VEGFC: variants seen among roughly 807,000 people sequenced by gnomAD.
The protein encoded by VEGFC is FLT4 ligand DHM.
VEGFC carries 12 observed loss-of-function variants against 46.1 expected under a neutral mutation model. The observed-to-expected ratio is 0.26, with a 90% CI of 0.17 to 0.42. The LOEUF (loss-of-function observed/expected upper bound fraction) is 0.42. VEGFC is among the 10% of genes least tolerant of loss of function. The probability of loss-of-function intolerance (pLI) is 1.00; values close to 1 mark genes in which losing one functional copy is unlikely to be tolerated. For synonymous variants in VEGFC, 232 were observed against 195.5 expected, an observed-to-expected ratio of 1.19 and a Z score of -1.56; for missense variants, 488 against 529.4, an observed-to-expected ratio of 0.92 and a Z score of 0.77.
At chr4:176,777,328 CA>C (rs904458015) in intron 1 of VEGFC, among the ~76,000 whole-genome samples, 5 of 152,060 alleles carry the variant, frequency 3.3e-5, no homozygotes, top group Non-Finnish European at 7.4e-5. Flanking sequence ...AACAAACAAA[CA>C]AAAAACTACT....
At chr4:176,765,596 C>T (rs534142079) in intron 1 of VEGFC, among the ~76,000 whole-genome samples, 1 of 148,200 alleles carries the variant, frequency 6.7e-6, no homozygotes, top group African/African-American at 2.5e-5. Flanking sequence ...CGCTCTGTCG[C>T]CCAGGCTGGA....
intron 6 of VEGFC, among the ~76,000 whole-genome samples, chr4:176,685,140 AT>A (rs1413121711): frequency 6.6e-6 from 1 of 152,226 alleles, no homozygotes; most frequent in Non-Finnish European, 1.5e-5. Flanking sequence ...AAAGTGTGCT[AT>A]AAAAAACCCT....
At chr4:176,689,404 C>G (rs938382525) in intron 4 of VEGFC, 3 of 152,134 alleles carry the variant, frequency 2.0e-5, no homozygotes, top group Admixed American at 6.6e-5. Context: ...ATTTTGCAAC[C>G]AAAATGCAGC....
chr4:176,735,130 C>T (rs190241299), intron 1 of VEGFC, among the ~76,000 whole-genome samples: 2 of 151,862 alleles, frequency 1.3e-5, no homozygotes, highest in Admixed American at 1.3e-4. Context: ...CTCCTTCCTA[C>T]ATCACTTTCT....
intron 4 of VEGFC, among the ~76,000 whole-genome samples, chr4:176,694,443 A>G (rs1337755751): frequency 1.3e-5 from 2 of 152,022 alleles, no homozygotes; most frequent in Non-Finnish European, 2.9e-5. Flanking sequence ...TCCTAAATAT[A>G]TATGCACCCA....
chr4:176,691,182 T>C (rs1734172365), intron 4 of VEGFC, among the ~76,000 whole-genome samples: 1 of 152,172 alleles, frequency 6.6e-6, no homozygotes, highest in African/African-American at 2.4e-5. Context: ...GGAAATGTGG[T>C]CATGATGGAT....
intron 6 of VEGFC, among the ~76,000 whole-genome samples, chr4:176,685,105 G>A (rs1734015864): frequency 6.6e-6 from 1 of 152,220 alleles, no homozygotes; most frequent in Non-Finnish European, 1.5e-5. Context: ...AGGGAAAAGT[G>A]CAAGATGACC....
At chr4:176,763,474 A>G (rs1450314670) in intron 1 of VEGFC, among the ~76,000 whole-genome samples, 1 of 152,198 alleles carries the variant, frequency 6.6e-6, no homozygotes, top group Non-Finnish European at 1.5e-5. Context: ...TAAATTTCAA[A>G]AGCAAAAACT....
chr4:176,712,944 T>C (rs1477522801), intron 3 of VEGFC, among the ~76,000 whole-genome samples: 1 of 152,216 alleles, frequency 6.6e-6, no homozygotes, highest in Non-Finnish European at 1.5e-5. Context: ...GTGGCTTTTA[T>C]TAGCTCTCCC....
intron 1 of VEGFC, among the ~76,000 whole-genome samples, chr4:176,755,870 A>T (rs1251813874): frequency 6.6e-6 from 1 of 152,040 alleles, no homozygotes; most frequent in East Asian, 1.9e-4. Flanking sequence ...AGGTTAAGTA[A>T]TGCATTATTT....
At chr4:176,734,670 C>A (rs2111023700) in intron 1 of VEGFC, among the ~76,000 whole-genome samples, 1 of 151,720 alleles carries the variant, frequency 6.6e-6, no homozygotes, top group East Asian at 1.9e-4. Flanking sequence ...CTAAAAATAG[C>A]AAAAACTAAG....
chr4:176,737,075 GATA>G (rs1735068445), intron 1 of VEGFC, among the ~76,000 whole-genome samples: 2 of 150,396 alleles, frequency 1.3e-5, no homozygotes, highest in South Asian at 4.2e-4. Flanking sequence ...AAACCTGACT[GATA>G]ATATTAATGA....
intron 4 of VEGFC, among the ~76,000 whole-genome samples, chr4:176,692,364 A>G (rs1734207672): frequency 7.5e-6 from 1 of 134,188 alleles, no homozygotes; most frequent in Admixed American, 7.1e-5. Flanking sequence ...ACTGCACTCC[A>G]GCCTGGGCGA....
intron 1 of VEGFC, among the ~76,000 whole-genome samples, chr4:176,759,706 T>G (rs1215963567): frequency 6.6e-6 from 1 of 150,734 alleles, no homozygotes; most frequent in Non-Finnish European, 1.5e-5. Context: ...ACCATGCATA[T>G]AGCCGAGTTT....
intron 1 of VEGFC, among the ~76,000 whole-genome samples, chr4:176,780,381 C>CAAAAAAAAAAAAAAAAAA (rs1252541684): frequency 2.4e-4 from 3 of 12,254 alleles, no homozygotes; most frequent in Non-Finnish European, 5.0e-4. Context: ...GACTCCATCT[C>CAAAAAAAAAAAAAAAAAA]AAAAAAAAAA....
intron 4 of VEGFC, among the ~76,000 whole-genome samples, chr4:176,707,596 A>C (rs1734555777): frequency 6.6e-6 from 1 of 152,284 alleles, no homozygotes; most frequent in African/African-American, 2.4e-5. Context: ...AGGGGGTAAA[A>C]ATTGGGTATG....
Position 176,770,979 on chromosome 4 carries a change from TACACACACAC to T in VEGFC, c.147+21176_147+21185del, listed in dbSNP as rs148140472. 6.1e-5 allele frequency among the ~76,000 whole-genome samples: 9 copies of T among 148,522 alleles called. No individual in the cohort carries two copies. In the East Asian group the frequency reaches 1.8e-3, roughly 30 times the overall value. ...TTCAATTGAAGGTGCAAGTAACTGA[TACACACACAC>T]ACACACACACACACACACAAAGGTA... On this transcript the variant is annotated intron_variant, in intron 1 of 6. Transcript: ENST00000618562.
intron 4 of VEGFC, among the ~76,000 whole-genome samples, chr4:176,690,278 AC>A (rs1282336430): frequency 2.6e-5 from 4 of 151,582 alleles, no homozygotes; most frequent in Non-Finnish European, 4.4e-5. Flanking sequence ...CAGAGTTAAG[AC>A]TATGAGAAAA....
intron 1 of VEGFC, among the ~76,000 whole-genome samples, chr4:176,780,607 C>G (rs72713987): frequency 6.6e-6 from 1 of 152,104 alleles, no homozygotes; most frequent in East Asian, 1.9e-4. Context: ...CATATGTGTC[C>G]TCCTCCTTCC....
Sources: allele counts gnomAD v4.1 joint callset (sites outside exome capture counted in the v4.1 genomes callset), GRCh38; gene constraint gnomAD v4.1.1; transcripts MANE v1.5; gene names NCBI Gene and HGNC (gene_info 2026-07-23, HGNC 2026-07-21).